The following LRP1B variants were observed in gnomAD, a reference collection of about 807,000 sequenced individuals.
LRP1B encodes low-density lipoprotein receptor-related protein 1B.
Under a neutral mutation model 556.6 loss-of-function variants are expected in LRP1B, and 217 were observed. That is an observed-to-expected ratio of 0.39 (90% CI 0.35 to 0.44). The LOEUF is 0.44. Among genes scored for constraint, LRP1B ranks in the 20% least tolerant of loss-of-function variants. The probability of loss-of-function intolerance (pLI) is 1.00; values close to 1 mark genes in which losing one functional copy is unlikely to be tolerated. For missense variants in LRP1B, 5,053 were observed against 5,620.8 expected (o/e 0.90, Z 3.23); for synonymous variants, 2,047 against 1,865.8 (o/e 1.10, Z -2.50).
At chr2:141,488,182 G>GC (rs1553520605) in intron 2 of LRP1B, among the ~76,000 whole-genome samples, 5 of 151,690 alleles carry the variant, frequency 3.3e-5, no homozygotes, top group Admixed American at 1.3e-4. Context: ...ACATTTATTT[G>GC]TTTTTTTCCC....
At chr2:141,074,282 A>T (rs1699722910) in intron 7 of LRP1B, among the ~76,000 whole-genome samples, 2 of 151,874 alleles carry the variant, frequency 1.3e-5, no homozygotes, top group Non-Finnish European at 2.9e-5. Context: ...TGCTTTTCCA[A>T]CCTTGGCTTT....
chr2:141,567,661 G>T (rs2105257872), intron 2 of LRP1B, among the ~76,000 whole-genome samples: 1 of 151,966 alleles, frequency 6.6e-6, no homozygotes, highest in Admixed American at 6.6e-5. Context: ...CTCTCTAAGT[G>T]TTTAGAATAT....
chr2:142,028,530 T>G (rs1284431794), intron 1 of LRP1B, among the ~76,000 whole-genome samples: 3 of 152,020 alleles, frequency 2.0e-5, no homozygotes, highest in African/African-American at 7.2e-5. Context: ...CTGAGTAATA[T>G]TCCAAACTAT....
In LRP1B at chr2:140,238,233, T is replaced by C. The variant is rs1249715863; in HGVS notation, c.13479A>G (p.Pro4493=). 6.3e-7 allele frequency: 1 copy of C among 1,595,976 alleles called. No homozygotes were observed. Among genetic ancestry groups the C allele is most frequent in the Admixed American group, 1.7e-5 (1 of 59,436 alleles). ...NGGINVEIGN[P]SYNMYEVDHD... ...GATCTACCTCATACATGTTATAAGA[T>C]GGATTGCCAATTTCTACATTTATTC... Residue 4493 remains proline (P), a synonymous_variant, in exon 89 of 91, where the codon CCA becomes CCG. Transcript: ENST00000389484.
intron 2 of LRP1B, 22 bp downstream of exon 2, chr2:141,810,257 G>A (rs762120638): frequency 6.2e-7 from 1 of 1,611,136 alleles, no homozygotes; most frequent in Admixed American, 1.7e-5. Flanking sequence ...AATCCGAATG[G>A]CATGAGAACC....
intron 2 of LRP1B, among the ~76,000 whole-genome samples, chr2:141,576,719 A>G (rs1686761635): frequency 6.7e-6 from 1 of 149,480 alleles, no homozygotes. Context: ...CTGCTACTGC[A>G]TGCCAGCCTA....
chr2:140,837,207 A>AT (rs1691936435), intron 31 of LRP1B, among the ~76,000 whole-genome samples: 1 of 152,166 alleles, frequency 6.6e-6, no homozygotes, highest in Non-Finnish European at 1.5e-5. Flanking sequence ...AAAAGAAGAG[A>AT]TTTTGTCTTG....
At chr2:141,714,447 C>T (rs1574274627) in intron 2 of LRP1B, among the ~76,000 whole-genome samples, 1 of 135,026 alleles carries the variant, frequency 7.4e-6, no homozygotes, top group African/African-American at 2.8e-5. Context: ...TCTCTGTAGG[C>T]TCTTTTTTTT....
chr2:142,101,988 A>G (rs1706582817), intron 1 of LRP1B, among the ~76,000 whole-genome samples: 1 of 151,936 alleles, frequency 6.6e-6, no homozygotes, highest in Non-Finnish European at 1.5e-5. Context: ...GAGATGTTAA[A>G]TAATAAAACT....
intron 1 of LRP1B, among the ~76,000 whole-genome samples, chr2:141,917,030 C>A (rs1700056425): frequency 6.6e-6 from 1 of 152,158 alleles, no homozygotes; most frequent in African/African-American, 2.4e-5. Flanking sequence ...AAACCTTCAT[C>A]TTTGCCTTTC....
At chr2:141,553,728 ATAATATAT>A (rs1685841428) in intron 2 of LRP1B, among the ~76,000 whole-genome samples, 1 of 17,372 alleles carries the variant, frequency 5.8e-5, no homozygotes, top group Non-Finnish European at 7.5e-3. Flanking sequence ...ATATATCTAT[ATAATATAT>A]TATATATAAA....
chr2:141,111,954 G>A (rs984868622), intron 7 of LRP1B, among the ~76,000 whole-genome samples: 1 of 151,862 alleles, frequency 6.6e-6, no homozygotes, highest in Non-Finnish European at 1.5e-5. Context: ...GCTGAGGCAG[G>A]AGAATGGCGT....
chr2:140,989,955 C>T (rs956062649), intron 16 of LRP1B, among the ~76,000 whole-genome samples: 4 of 152,064 alleles, frequency 2.6e-5, no homozygotes, highest in East Asian at 1.9e-4. Context: ...CCTGTAATCC[C>T]AGCATTTTGG....
intron 3 of LRP1B, among the ~76,000 whole-genome samples, chr2:141,329,665 A>G (rs998373940): frequency 3.4e-5 from 5 of 146,202 alleles, no homozygotes; most frequent in Admixed American, 6.9e-5. Flanking sequence ...AAAAAAAAAA[A>G]CTATCTCTCT....
chr2:140,383,729 T>C (rs949100607), intron 67 of LRP1B, among the ~76,000 whole-genome samples: 1 of 152,210 alleles, frequency 6.6e-6, no homozygotes, highest in African/African-American at 2.4e-5. Flanking sequence ...CATATTACAA[T>C]TGTAAAATAC....
intron 2 of LRP1B, among the ~76,000 whole-genome samples, chr2:141,574,641 A>G (rs1408740258): frequency 6.6e-6 from 1 of 152,182 alleles, no homozygotes; most frequent in African/African-American, 2.4e-5. Flanking sequence ...AAGATTATTC[A>G]CACAGGAAGA....
chr2:141,186,584 G>GAACAACTCAAAC (rs1457264108), intron 7 of LRP1B, among the ~76,000 whole-genome samples: 1 of 152,002 alleles, frequency 6.6e-6, no homozygotes, highest in Non-Finnish European at 1.5e-5. Flanking sequence ...CAGTGCTATA[G>GAACAACTCAAAC]AGACAGAACT....
chr2:141,140,982 G>T (rs577525130), intron 7 of LRP1B, among the ~76,000 whole-genome samples: 2 of 152,218 alleles, frequency 1.3e-5, no homozygotes, highest in East Asian at 3.9e-4. Flanking sequence ...GAGGTAGAGG[G>T]TGGAGAGCAA....
chr2:141,020,232 T>C (rs537632308), intron 11 of LRP1B, 130 bp from the exon 12 acceptor site: 2 of 532,230 alleles, frequency 3.8e-6, no homozygotes, highest in East Asian at 6.6e-5. Context: ...GAAATCTTTA[T>C]GGTGTAATTT....
Sources: allele counts gnomAD v4.1 joint callset (sites outside exome capture counted in the v4.1 genomes callset), GRCh38; gene constraint gnomAD v4.1.1; transcripts MANE v1.5; gene names NCBI Gene and HGNC (gene_info 2026-07-23, HGNC 2026-07-21).